Variants in HMGXB4 observed in about 807,000 individuals in gnomAD.
The protein encoded by HMGXB4 is HMG-box containing 4.
Under a neutral mutation model 63.9 loss-of-function variants are expected in HMGXB4, and 27 were observed. The ratio of observed to expected loss-of-function variants is 0.42; its 90% confidence interval spans 0.31 to 0.58. The LOEUF (loss-of-function observed/expected upper bound fraction) is 0.58, where lower values mean the gene tolerates loss of function less well. Ranked by LOEUF, HMGXB4 falls within the 20% of genes least tolerant of loss-of-function variation. HMGXB4 has a pLI of 0.13. For synonymous variants in HMGXB4, 264 were observed against 265.3 expected, an observed-to-expected ratio of 0.99 and a Z score of 0.05; for missense variants, 624 against 700.7, an observed-to-expected ratio of 0.89 and a Z score of 1.24.
intron 1 of HMGXB4, among the ~76,000 whole-genome samples, chr22:35,261,178 C>T (rs1347939864): frequency 2.0e-5 from 3 of 152,176 alleles, no homozygotes; most frequent in Admixed American, 1.3e-4. Flanking sequence ...TGGCTCACGC[C>T]TGTAATCCCA....
intron 5 of HMGXB4, among the ~76,000 whole-genome samples, chr22:35,266,772 C>G (rs1259756512): frequency 6.6e-6 from 1 of 152,102 alleles, no homozygotes; most frequent in Non-Finnish European, 1.5e-5. Context: ...CCCTTGAGCC[C>G]AAGAGTTCGG....
upstream of HMGXB4, among the ~76,000 whole-genome samples, chr22:35,256,890 C>T (rs552031609): frequency 2.4e-4 from 37 of 152,322 alleles, no homozygotes; most frequent in South Asian, 7.7e-3. Flanking sequence ...ATTGTGTTCT[C>T]GCCTGTATAT....
chr22:35,295,517 A>T lies in HMGXB4; in HGVS notation c.*1866A>T, dbSNP rs1179971961. On this transcript the variant is annotated 3_prime_UTR_variant, in exon 11 of 11. Coordinates refer to ENST00000216106, the MANE Select transcript of HMGXB4 (RefSeq NM_001003681.3). Reference sequence around the variant, plus strand: ...AATCCTAGCATTGTCATTTATATACATTAATGAAATCCTGATGAGGACCTG... The same window carrying T: ...AATCCTAGCATTGTCATTTATATACTTTAATGAAATCCTGATGAGGACCTG... 1 of 152,642 alleles carries T rather than the reference A, an allele frequency of 6.6e-6. No individual in the cohort carries two copies. The highest frequency in any genetic ancestry group is 1.5e-5 in the Non-Finnish European group (1 of 68,040). 9.5% of individuals were successfully genotyped at this position (152,642 alleles called of 1,614,324 possible). A position where few individuals can be genotyped will look rare whatever the true frequency, so the allele number is the denominator to read the frequency against.
rs1194040336 is a variant in HMGXB4, at chr22:35,294,820, T to C, written c.*1169T>C. On this transcript the variant is annotated 3_prime_UTR_variant, in exon 11 of 11. Transcript: ENST00000216106. ...TCCCTTCTTTCCTTCCTTCCTTCCC[T>C]GTTTCCTTCCCTCTTTCCTTCCTTC... 1.3e-5 allele frequency: 2 copies of C among 152,118 alleles called. No individual in the cohort carries two copies. The highest frequency in any genetic ancestry group is 2.9e-5 in the Non-Finnish European group (2 of 67,996). The allele number at this position is 152,118 out of a possible 1,614,324, so 9.4% of individuals were successfully genotyped here. A position where few individuals can be genotyped will look rare whatever the true frequency, so the allele number is the denominator to read the frequency against.
Position 35,264,799 on chromosome 22 carries a change from T to C in HMGXB4, c.411T>C (p.Ser137=). The change falls in exon 5 of 11, where the codon TCT becomes TCC. Residue 137 remains serine (S), a synonymous_variant. Transcript: ENST00000216106. ...SKKTGEKSSG[S]SSHSESKKEH... is the part of the protein sequence containing the mutation. ...AGACTGGGGAGAAATCCTCTGGCTCTTCAAGCCATTCGGAGAGTAAAAAGG... is the reference window on the plus strand; with the variant it reads ...AGACTGGGGAGAAATCCTCTGGCTCCTCAAGCCATTCGGAGAGTAAAAAGG... 1 of 1,614,192 alleles carries C rather than the reference T, an allele frequency of 6.2e-7. No individual in the cohort carries two copies. The highest frequency in any genetic ancestry group is 8.5e-7 in the Non-Finnish European group (1 of 1,180,044).
chr22:35,283,003 T>C (rs1359457651), intron 5 of HMGXB4, among the ~76,000 whole-genome samples: 2 of 152,250 alleles, frequency 1.3e-5, no homozygotes, highest in Non-Finnish European at 2.9e-5. Flanking sequence ...ATATTCCTTT[T>C]GGCATTGTCA....
In HMGXB4 at chr22:35,264,677, A is replaced by G. The variant is rs1923074917; in HGVS notation, c.289A>G (p.Lys97Glu). 1.9e-6 allele frequency: 3 copies of G among 1,578,464 alleles called. No individual in the cohort carries two copies. Among genetic ancestry groups the G allele is most frequent in the Non-Finnish European group, 2.6e-6 (3 of 1,166,328 alleles). ...TTCGTCTTTGGAATCGTCACAGAAG[A>G]AAAAGAAAAAGTCCAGCCCACAGTC... is the stretch of plus-strand genomic sequence containing the variant. ...DISSLESSQK[K>E]KKKSSPQSTD... The change falls in exon 5 of 11, where the codon AAA becomes GAA. Residue 97 changes from lysine to glutamate, a missense_variant. Lys to Glu is a moderately conservative substitution (Grantham distance 56, BLOSUM62 1). Around this residue, in one of 2 missense-constraint regions of HMGXB4, gnomAD observed 472 missense variants for 470.6 expected, o/e 1.00. Transcript: ENST00000216106.
intron 10 of HMGXB4, 27 bp downstream of exon 10, chr22:35,293,141 C>A: frequency 6.2e-7 from 1 of 1,613,958 alleles, no homozygotes; most frequent in South Asian, 1.1e-5. Context: ...TTTTTAGAGT[C>A]AGATCCATTG....
intron 9 of HMGXB4, among the ~76,000 whole-genome samples, chr22:35,291,151 T>G (rs1924909595): frequency 6.6e-6 from 1 of 152,136 alleles, no homozygotes; most frequent in East Asian, 1.9e-4. Context: ...TAATCCTAGC[T>G]ACTTGTGGGG....
In HMGXB4 at chr22:35,287,336, T is replaced by C. The variant is rs1924654506; in HGVS notation, c.1363-11T>C. ...CTTAATTTAATTTAATGTTCACTGA[T>C]GTGATTGCAGATTTGGAAGCAAAAA... On this transcript the variant is annotated splice_polypyrimidine_tract_variant and intron_variant, in intron 7 of 10. Coordinates refer to ENST00000216106, the MANE Select transcript of HMGXB4 (RefSeq NM_001003681.3). 6.3e-7 allele frequency: 1 copy of C among 1,593,148 alleles called. No individual in the cohort carries two copies. Among genetic ancestry groups the C allele is most frequent in the Non-Finnish European group, 8.6e-7 (1 of 1,162,192 alleles).
intron 5 of HMGXB4, among the ~76,000 whole-genome samples, chr22:35,268,655 A>G (rs547298014): frequency 6.6e-6 from 1 of 152,326 alleles, no homozygotes; most frequent in South Asian, 2.1e-4. Context: ...CATCTGGCCT[A>G]TTGTAGACAG....
chr22:35,242,780 G>A, the HMGXB4 span, among the ~76,000 whole-genome samples: 677 of 152,070 alleles, frequency 4.5e-3, 6 homozygotes, highest in African/African-American at 0.015. Flanking sequence ...CTCTCGGCCC[G>A]CCTTTAGCTG....
Position 35,263,852 on chromosome 22 carries a change from C to T in HMGXB4, c.237C>T (p.Ser79=), listed in dbSNP as rs200600285. The T allele has an allele frequency of 6.8e-6, 11 of 1,613,592 alleles. No individual in the cohort carries two copies. The highest frequency in any genetic ancestry group is 1.7e-5 in the Admixed American group (1 of 60,018). Residue 79 remains serine, a synonymous_variant, in exon 4 of 11, where the codon TCC becomes TCT. Coordinates refer to ENST00000216106, the MANE Select transcript of HMGXB4 (RefSeq NM_001003681.3). ...TDTHKKKRKH[S]SDDYYYGDIS... is the part of the protein sequence containing the mutation. Reference sequence around the variant, plus strand: ...CACACAAGAAGAAGAGGAAGCACTCCTCTGATGATTACTACTATGGAGGTG... The same window carrying T: ...CACACAAGAAGAAGAGGAAGCACTCTTCTGATGATTACTACTATGGAGGTG...
chr22:35,283,959 T>C lies in HMGXB4; in HGVS notation c.1216-3T>C. ...CCCTGTTGTATCTTCTATGCGGCAT[T>C]AGCCAAAAAAGAAGAACATGTCGGC... On this transcript the variant is annotated splice_region_variant and splice_polypyrimidine_tract_variant and intron_variant, in intron 5 of 10. Transcript: ENST00000216106. The C allele has an allele frequency of 6.2e-7, 1 of 1,612,076 alleles. No homozygotes were observed. Among genetic ancestry groups the C allele is most frequent in the Non-Finnish European group, 8.5e-7 (1 of 1,178,038 alleles).
In HMGXB4 at chr22:35,294,825, C is replaced by G. The variant is rs1213866062; in HGVS notation, c.*1174C>G. 1 of 152,104 alleles carries G rather than the reference C, an allele frequency of 6.6e-6. No homozygotes were observed. The highest frequency in any genetic ancestry group is 1.5e-5 in the Non-Finnish European group (1 of 68,022). 9.4% of individuals were successfully genotyped at this position (152,104 alleles called of 1,614,324 possible). On this transcript the variant is annotated 3_prime_UTR_variant, in exon 11 of 11. Coordinates refer to ENST00000216106, the MANE Select transcript of HMGXB4 (RefSeq NM_001003681.3). Reference sequence around the variant, plus strand: ...TCTTTCCTTCCTTCCTTCCCTGTTTCCTTCCCTCTTTCCTTCCTTCCTCCT... The same window carrying G: ...TCTTTCCTTCCTTCCTTCCCTGTTTGCTTCCCTCTTTCCTTCCTTCCTCCT...
At chr22:35,275,110 C>CTTTTTTT (rs59290559) in intron 5 of HMGXB4, among the ~76,000 whole-genome samples, 1 of 103,538 alleles carries the variant, frequency 9.7e-6, no homozygotes, top group African/African-American at 3.8e-5. Context: ...CACCAAATTT[C>CTTTTTTT]TTTTTTTTTT....
In HMGXB4 at chr22:35,284,013, G is replaced by C; in HGVS notation, c.1267G>C (p.Val423Leu). 6.2e-7 allele frequency: 1 copy of C among 1,614,034 alleles called. No homozygotes were observed. Among genetic ancestry groups the C allele is most frequent in the Non-Finnish European group, 8.5e-7 (1 of 1,179,884 alleles). ...CCAGGTGTTCTGTAAAGAGTATCGCGTGACCATTGTGGCTGACCATCCAGG... is the reference window on the plus strand; with the variant it reads ...CCAGGTGTTCTGTAAAGAGTATCGCCTGACCATTGTGGCTGACCATCCAGG... ...AYQVFCKEYRVTIVADHPGID... is the reference protein window; with the variant it reads ...AYQVFCKEYRLTIVADHPGID... Residue 423 changes from valine (V) to leucine (L), a missense_variant, in exon 6 of 11, where the codon GTG becomes CTG. Val to Leu is a conservative substitution (Grantham distance 32). Around this residue, in one of 2 missense-constraint regions of HMGXB4, gnomAD observed 152 missense variants for 230.1 expected, o/e 0.66. Transcript: ENST00000216106.
intron 2 of HMGXB4, 93 bp downstream of exon 2, chr22:35,262,514 G>A (rs1568994801): frequency 4.1e-6 from 5 of 1,232,480 alleles, no homozygotes; most frequent in Non-Finnish European, 6.0e-6. Flanking sequence ...GGGCACCACA[G>A]CCTGGACTCC....
At chr22:35,288,577 T>C (rs1038772459) in intron 9 of HMGXB4, among the ~76,000 whole-genome samples, 170 bp downstream of exon 9, 1 of 152,240 alleles carries the variant, frequency 6.6e-6, no homozygotes, top group Non-Finnish European at 1.5e-5. Flanking sequence ...AACAGAAATA[T>C]CTATAGAGAT....
Sources: allele counts gnomAD v4.1 joint callset (sites outside exome capture counted in the v4.1 genomes callset), GRCh38; gene constraint gnomAD v4.1.1; regional missense constraint gnomAD v4.1.1; transcripts MANE v1.5; gene names NCBI Gene and HGNC (gene_info 2026-07-23, HGNC 2026-07-21).